The following LRRFIP2 variants were observed in gnomAD, a reference collection of about 807,000 sequenced individuals.
LRRFIP2 encodes leucine-rich repeat flightless-interacting protein 2.
In LRRFIP2, 109 loss-of-function variants were observed where a neutral mutation model predicts 125.9. That is an observed-to-expected ratio of 0.87 (90% CI 0.74 to 1.01). The LOEUF is 1.01. Ranked by LOEUF, LRRFIP2 falls within the 50% of genes least tolerant of loss-of-function variation. The probability of loss-of-function intolerance (pLI) is 0.00; values close to 1 mark genes in which losing one functional copy is unlikely to be tolerated. For synonymous variants in LRRFIP2, 291 were observed against 293.1 expected (o/e 0.99, Z 0.07); for missense variants, 850 against 862.3 (o/e 0.99, Z 0.18).
chr3:37,115,458 AATT>A (rs137949704), intron 6 of LRRFIP2, among the ~76,000 whole-genome samples: 219 of 152,316 alleles, frequency 1.4e-3, no homozygotes, highest in Non-Finnish European at 2.6e-3. Context: ...TTTTTAAGAA[AATT>A]ATTATCACTT....
chr3:37,118,081 G>A (rs2094874818), intron 6 of LRRFIP2, among the ~76,000 whole-genome samples: 1 of 152,118 alleles, frequency 6.6e-6, no homozygotes, highest in Non-Finnish European at 1.5e-5. Context: ...CTACTGCTCT[G>A]ATTCAATCAA....
rs2094479064 is a variant in LRRFIP2, at chr3:37,109,634, T to C, written c.564+19A>G. On this transcript the variant is annotated intron_variant, in intron 10 of 27. Coordinates refer to ENST00000336686, the MANE Select transcript of LRRFIP2 (RefSeq NM_006309.4). Reference sequence around the variant, plus strand: ...AACTGGTAGCTCTAAAGGCAGAACATTCCTCAGAAAGTACTAACCCTGTCA... The same window carrying C: ...AACTGGTAGCTCTAAAGGCAGAACACTCCTCAGAAAGTACTAACCCTGTCA... 6.2e-7 allele frequency: 1 copy of C among 1,614,026 alleles called. No homozygotes were observed.
chr3:37,143,265 T>C (rs778921287), intron 2 of LRRFIP2, among the ~76,000 whole-genome samples: 5 of 152,238 alleles, frequency 3.3e-5, no homozygotes, highest in Non-Finnish European at 7.3e-5. Flanking sequence ...GATAACTCTT[T>C]AGAAACCTAA....
At chr3:37,169,149 T>C (rs1338142284) in intron 1 of LRRFIP2, among the ~76,000 whole-genome samples, 3 of 152,206 alleles carry the variant, frequency 2.0e-5, no homozygotes, top group African/African-American at 4.8e-5. Flanking sequence ...AAGTATACTC[T>C]ATGATGTTTG....
At position 37,095,645 on chromosome 3, in the gene LRRFIP2, AT is replaced by A. The variant is rs1016362614; in HGVS notation, c.919-738del. 1.4e-4 allele frequency among the ~76,000 whole-genome samples: 21 copies of A among 151,728 alleles called. No individual in the cohort carries two copies. In the South Asian group the frequency reaches 4.2e-3, roughly 30 times the overall value. ...TAATTTTATATTTATTATTTTTATT[AT>A]TTTTTTTGAGGTGGAGTCTCGCTGT... On this transcript the variant is annotated intron_variant, in intron 16 of 27. Coordinates refer to ENST00000336686, the MANE Select transcript of LRRFIP2 (RefSeq NM_006309.4).
intron 12 of LRRFIP2, 139 bp from the exon 13 acceptor site, chr3:37,108,268 A>AC (rs1298891876): frequency 2.1e-5 from 14 of 663,612 alleles, no homozygotes; most frequent in Non-Finnish European, 3.6e-5. Flanking sequence ...GTAGAACTCT[A>AC]CCTCATCCCC....
At chr3:37,091,672 T>C (rs2093446845) in intron 17 of LRRFIP2, 134 bp from the exon 18 acceptor site, 1 of 638,954 alleles carries the variant, frequency 1.6e-6, no homozygotes, top group East Asian at 2.9e-5. Context: ...TACAAAAACA[T>C]AACTCCCACT....
rs370149256 is a variant in LRRFIP2 at position 37,138,644 on chromosome 3, C to T, written c.91-9495G>A. On this transcript the variant is annotated intron_variant, in intron 2 of 27. Coordinates refer to ENST00000336686, the MANE Select transcript of LRRFIP2 (RefSeq NM_006309.4). ...CCTATCCCACTGTCATCAATCAGAACATGTTTCTGTTCATGTCTTCCACTC... is the reference window on the plus strand; with the variant it reads ...CCTATCCCACTGTCATCAATCAGAATATGTTTCTGTTCATGTCTTCCACTC... Among the ~76,000 whole-genome samples the T allele has an allele frequency of 4.6e-5, 7 of 152,182 alleles. No homozygotes were observed. In the East Asian group the frequency reaches 1.3e-3, roughly 29 times the overall value.
Position 37,121,706 on chromosome 3 carries a change from A to G in LRRFIP2, c.229-15T>C. ...TCCGAATCTTCCTGGGAAAGGAGAA[A>G]GTACATGGAGAGTTAATCACTGAAT... is the stretch of plus-strand genomic sequence containing the variant. On this transcript the variant is annotated splice_polypyrimidine_tract_variant and intron_variant, in intron 4 of 27. Coordinates refer to ENST00000336686, the MANE Select transcript of LRRFIP2 (RefSeq NM_006309.4). The G allele has an allele frequency of 6.2e-7, 1 of 1,613,160 alleles. No individual in the cohort carries two copies. The highest frequency in any genetic ancestry group is 8.5e-7 in the Non-Finnish European group (1 of 1,179,192).
chr3:37,128,836 T>A (rs1482394267), intron 3 of LRRFIP2, among the ~76,000 whole-genome samples: 1 of 152,204 alleles, frequency 6.6e-6, no homozygotes, highest in Non-Finnish European at 1.5e-5. Flanking sequence ...ATAATACTAG[T>A]AACTTATAAC....
At chr3:37,070,114 C>G (rs1360292118) in intron 21 of LRRFIP2, among the ~76,000 whole-genome samples, 1 of 136,958 alleles carries the variant, frequency 7.3e-6, no homozygotes, top group South Asian at 2.3e-4. Context: ...TAAATTTCCT[C>G]TTTTTTTTTT....
chr3:37,114,105 T>A lies in LRRFIP2; in HGVS notation c.372+949A>T, dbSNP rs568363956. ...TTCCCAATCAATGATTAAAAACTCA[T>A]TTTACTTTTTTTTTTTTGAATATGC... On this transcript the variant is annotated intron_variant, in intron 7 of 27. Coordinates refer to ENST00000336686, the MANE Select transcript of LRRFIP2 (RefSeq NM_006309.4). Among the ~76,000 whole-genome samples, 5 of 118,010 alleles carry A rather than the reference T, an allele frequency of 4.2e-5. No individual in the cohort carries two copies. In the South Asian group the frequency reaches 6.9e-4, roughly 16 times the overall value. The allele number at this position is 118,010 out of a possible 152,430, so 77.4% of individuals were successfully genotyped here.
At chr3:37,174,509 T>A (rs1296804916) in intron 1 of LRRFIP2, 30 bp downstream of exon 1, 4 of 152,164 alleles carry the variant, frequency 2.6e-5, no homozygotes, top group African/African-American at 7.2e-5. Flanking sequence ...TTTTGTATAG[T>A]GCAAATTCTT....
Position 37,115,091 on chromosome 3 carries a change from T to C in LRRFIP2, c.335A>G (p.Asp112Gly), listed in dbSNP as rs779963091. The change falls in exon 7 of 28, where the codon GAT becomes GGT. Residue 112 changes from aspartate to glycine, a missense_variant. Physicochemically the swap from Asp to Gly is moderately conservative, Grantham distance 94. Transcript: ENST00000336686. ...TCTTGATGATCTATCCTTGAACATA[T>C]CATACTGGGTTTCAGCAAAACATGA... The part of the protein sequence containing the change: ...SIRSVGSHRY[D>G]MFKDRSSRLS... The C allele has an allele frequency of 6.9e-6, 11 of 1,592,892 alleles. No homozygotes were observed. The highest frequency in any genetic ancestry group is 3.3e-5 in the Admixed American group (2 of 59,780).
intron 6 of LRRFIP2, among the ~76,000 whole-genome samples, chr3:37,118,848 A>G (rs1455405721): frequency 6.6e-6 from 1 of 152,244 alleles, no homozygotes; most frequent in Non-Finnish European, 1.5e-5. Flanking sequence ...TAACTGGCTG[A>G]GAAATGCATA....
intron 19 of LRRFIP2, among the ~76,000 whole-genome samples, chr3:37,080,040 A>G (rs2092490109): frequency 6.6e-6 from 1 of 152,220 alleles, no homozygotes. Flanking sequence ...AAACCACTGA[A>G]TTGTACACTT....
chr3:37,141,134 G>C (rs539972892), intron 2 of LRRFIP2, among the ~76,000 whole-genome samples: 1 of 152,320 alleles, frequency 6.6e-6, no homozygotes, highest in African/African-American at 2.4e-5. Context: ...CTGGGCAACA[G>C]AGCAAGACCC....
intron 3 of LRRFIP2, 124 bp downstream of exon 3, chr3:37,128,939 T>A (rs1577094130): frequency 1.2e-6 from 1 of 851,482 alleles, no homozygotes. Context: ...CTTGATAAAA[T>A]ACATACATCA....
At chr3:37,159,989 CAAAAAAAAAA>C (rs58005486) in intron 1 of LRRFIP2, among the ~76,000 whole-genome samples, 3,915 of 47,064 alleles carry the variant, frequency 0.083, 131 homozygotes, top group African/African-American at 0.17. Context: ...GCCCTATGCG[CAAAAAAAAAA>C]AAAAAAAAAA....
Sources: allele counts gnomAD v4.1 joint callset (sites outside exome capture counted in the v4.1 genomes callset), GRCh38; gene constraint gnomAD v4.1.1; transcripts MANE v1.5; gene names NCBI Gene and HGNC (gene_info 2026-07-23, HGNC 2026-07-21).